Variants in KAZN observed in about 807,000 individuals in gnomAD.
KAZN encodes kazrin, periplakin interacting protein, also known as kazrin.
A neutral mutation model predicts 87.4 loss-of-function variants in KAZN; 40 were observed. The observed-to-expected ratio is 0.46, with a 90% CI of 0.36 to 0.60. The LOEUF is 0.60. Ranked by LOEUF, KAZN falls within the 20% of genes least tolerant of loss-of-function variation. The pLI, the probability that KAZN is intolerant of heterozygous loss-of-function variation, is 0.00. For synonymous variants in KAZN, 466 were observed against 458.3 expected (o/e 1.02, Z -0.22); for missense variants, 898 against 1,073.9 (o/e 0.84, Z 2.29).
intron 1 of KAZN, among the ~76,000 whole-genome samples, chr1:14,682,364 T>C (rs1640721205): frequency 6.6e-6 from 1 of 151,912 alleles, no homozygotes; most frequent in African/African-American, 2.4e-5. Flanking sequence ...CATGACACAT[T>C]GCAGCCTCGA....
chr1:14,137,365 C>G (rs1461047106), intron 1 of KAZN, among the ~76,000 whole-genome samples: 2 of 152,166 alleles, frequency 1.3e-5, no homozygotes, highest in Non-Finnish European at 2.9e-5. Flanking sequence ...GGCAGCTGCA[C>G]TATACTTGCT....
chr1:14,423,146 T>G (rs1337702985), intron 2 of KAZN, among the ~76,000 whole-genome samples: 1 of 152,232 alleles, frequency 6.6e-6, no homozygotes, highest in African/African-American at 2.4e-5. Context: ...GGAACCCTGG[T>G]GTTCCTTGGA....
chr1:14,143,995 G>A (rs1489022961), intron 1 of KAZN, among the ~76,000 whole-genome samples: 1 of 152,024 alleles, frequency 6.6e-6, no homozygotes, highest in African/African-American at 2.4e-5. Context: ...TGGGATTATG[G>A]GCATGAGTCA....
chr1:14,438,593 A>G (rs532796717), intron 2 of KAZN, among the ~76,000 whole-genome samples: 95 of 152,360 alleles, frequency 6.2e-4, no homozygotes, highest in African/African-American at 2.2e-3. Flanking sequence ...CAAGGAGGCC[A>G]GAGTGTGGTA....
chr1:14,970,635 C>G (rs114753746), intron 2 of KAZN, among the ~76,000 whole-genome samples: 1 of 152,152 alleles, frequency 6.6e-6, no homozygotes, highest in Non-Finnish European at 1.5e-5. Context: ...CGTCCCTGTC[C>G]CCCACACAGC....
chr1:14,344,020 G>A (rs1237799209), intron 2 of KAZN, among the ~76,000 whole-genome samples: 2 of 152,114 alleles, frequency 1.3e-5, no homozygotes, highest in Non-Finnish European at 1.5e-5. Context: ...ATCCAGAACC[G>A]GAGACCCATC....
intron 2 of KAZN, among the ~76,000 whole-genome samples, chr1:14,228,231 T>C (rs958473920): frequency 6.6e-6 from 1 of 152,194 alleles, no homozygotes; most frequent in Non-Finnish European, 1.5e-5. Flanking sequence ...GCAGTGACCA[T>C]TACCACTTTG....
At chr1:14,564,019 G>A (rs997677719) in intron 2 of KAZN, among the ~76,000 whole-genome samples, 7 of 151,592 alleles carry the variant, frequency 4.6e-5, no homozygotes, top group African/African-American at 1.2e-4. Flanking sequence ...ACAGGCACCC[G>A]CCATCATGCC....
At chr1:15,000,395 T>C (rs1418685209) in intron 2 of KAZN, among the ~76,000 whole-genome samples, 3 of 152,010 alleles carry the variant, frequency 2.0e-5, no homozygotes, top group Admixed American at 6.5e-5. Context: ...AGTGTTGTTT[T>C]AAGCCACAAA....
At chr1:14,308,846 T>G (rs557639929) in intron 2 of KAZN, among the ~76,000 whole-genome samples, 1 of 152,324 alleles carries the variant, frequency 6.6e-6, no homozygotes, top group Admixed American at 6.5e-5. Flanking sequence ...TTGCCTGTTG[T>G]GTATGATTTC....
At chr1:14,146,160 G>A (rs1645343885) in intron 1 of KAZN, among the ~76,000 whole-genome samples, 1 of 151,526 alleles carries the variant, frequency 6.6e-6, no homozygotes, top group African/African-American at 2.4e-5. Context: ...TGTAGTCACT[G>A]TTTCCTGAAT....
At chr1:14,841,795 T>G (rs1648050300) in intron 1 of KAZN, among the ~76,000 whole-genome samples, 2 of 152,246 alleles carry the variant, frequency 1.3e-5, no homozygotes, top group Non-Finnish European at 2.9e-5. Flanking sequence ...TGGGAATGAA[T>G]GAATGCACCA....
At chr1:14,671,299 G>C (rs1324949458) in intron 1 of KAZN, among the ~76,000 whole-genome samples, 4 of 152,208 alleles carry the variant, frequency 2.6e-5, no homozygotes, top group Non-Finnish European at 5.9e-5. Flanking sequence ...ACATCTGGTT[G>C]GTTCATTTAG....
chr1:15,089,380 G>A (rs910013080), intron 8 of KAZN, among the ~76,000 whole-genome samples: 2 of 150,854 alleles, frequency 1.3e-5, no homozygotes, highest in African/African-American at 2.4e-5. Context: ...CAAGAGTCCA[G>A]CAGGGACAGT....
At position 15,094,698 on chromosome 1, in the gene KAZN, T is replaced by C. The variant is rs2100683942; in HGVS notation, c.1429-117T>C. The C allele has an allele frequency of 1.4e-6, 1 of 726,970 alleles. No homozygotes were observed. The highest frequency in any genetic ancestry group is 2.3e-6 in the Non-Finnish European group (1 of 438,866). 45.0% of individuals were successfully genotyped at this position (726,970 alleles called of 1,614,324 possible). On this transcript the variant is annotated intron_variant, in intron 9 of 14. Coordinates refer to ENST00000376030, the MANE Select transcript of KAZN (RefSeq NM_201628.3). This position sits in a 1 kb window ranked among gnomAD's most constrained non-coding sequence, Gnocchi z 4.5. ...AGGTTTCCATGTGCCCTGACCCCAC[T>C]GTATGAAAGGTGGGCAGGAGATGGG... is the stretch of plus-strand genomic sequence containing the variant.
chr1:13,948,178 T>A (rs186968365), intron 1 of KAZN, among the ~76,000 whole-genome samples: 2 of 152,198 alleles, frequency 1.3e-5, no homozygotes. Flanking sequence ...AGAGAAAGAG[T>A]GAAGGATTCT....
chr1:14,886,220 G>A (rs886782268), intron 1 of KAZN, among the ~76,000 whole-genome samples: 1 of 151,866 alleles, frequency 6.6e-6, no homozygotes, highest in South Asian at 2.1e-4. Flanking sequence ...CCAGGAGTTC[G>A]GGACCGGCCT....
At chr1:14,753,364 C>T (rs980119978) in intron 1 of KAZN, among the ~76,000 whole-genome samples, 3 of 152,058 alleles carry the variant, frequency 2.0e-5, no homozygotes, top group Admixed American at 6.6e-5. Context: ...CACAAGGTGA[C>T]ACTGGTGGGG....
intron 2 of KAZN, among the ~76,000 whole-genome samples, chr1:14,496,932 C>G (rs1471114995): frequency 6.6e-6 from 1 of 152,088 alleles, no homozygotes; most frequent in African/African-American, 2.4e-5. Context: ...GATTCTGGCT[C>G]CCTTTCCAGA....
Sources: gnomAD v4.1 joint callset for allele counts (sites outside exome capture counted in the v4.1 genomes callset) on GRCh38, gnomAD v4.1.1 for gene constraint, Gnocchi (gnomAD v3.1) non-coding constraint, MANE v1.5 for transcripts, NCBI Gene and HGNC (gene_info 2026-07-23, HGNC 2026-07-21) for gene names.